PPP1R7: variants seen among roughly 807,000 people sequenced by gnomAD.
The protein encoded by PPP1R7 is protein phosphatase 1 regulatory subunit 7.
Under a neutral mutation model 45.2 loss-of-function variants are expected in PPP1R7, and 18 were observed. That is an observed-to-expected ratio of 0.40 (90% confidence interval 0.28 to 0.59). The LOEUF is 0.59. Among genes scored for constraint, PPP1R7 ranks in the 20% least tolerant of loss-of-function variants. The probability of loss-of-function intolerance (pLI) is 0.46; values close to 1 mark genes in which losing one functional copy is unlikely to be tolerated. For synonymous variants in PPP1R7, 181 were observed against 183.4 expected (o/e 0.99, Z 0.11); for missense variants, 314 against 455.8 (o/e 0.69, Z 2.83).
At position 241,183,241 on chromosome 2, in the gene PPP1R7, A is replaced by T; in HGVS notation, c.*418A>T. On this transcript the variant is annotated 3_prime_UTR_variant, in exon 10 of 10. Transcript: ENST00000234038. ...CTAGCTGGCCCTAGTCCTGGTGTGCAGGGTTCAGGCAGTCTTGACCTGCAA... is the reference window on the plus strand; with the variant it reads ...CTAGCTGGCCCTAGTCCTGGTGTGCTGGGTTCAGGCAGTCTTGACCTGCAA... The T allele has an allele frequency of 2.6e-6, 1 of 387,498 alleles. No individual in the cohort carries two copies. Among genetic ancestry groups the T allele is most frequent in the Non-Finnish European group, 5.2e-6 (1 of 191,262 alleles). The allele number at this position is 387,498 out of a possible 1,614,324, so 24.0% of individuals were successfully genotyped here. A position where few individuals can be genotyped will look rare whatever the true frequency, so the allele number is the denominator to read the frequency against.
chr2:241,150,070 G>A, upstream of PPP1R7: 4 of 1,295,284 alleles, frequency 3.1e-6, no homozygotes, highest in Non-Finnish European at 3.9e-6. Flanking sequence ...CGTAGGACTG[G>A]CCCGCACCTT....
chr2:241,182,907 T>G lies in PPP1R7; in HGVS notation c.*84T>G. On this transcript the variant is annotated 3_prime_UTR_variant, in exon 10 of 10. Transcript: ENST00000234038. ...TTTAACCCACCTGTTGCTCCTGAGGTCGTCACTATATCAACAGTCACAAAC... is the reference window on the plus strand; with the variant it reads ...TTTAACCCACCTGTTGCTCCTGAGGGCGTCACTATATCAACAGTCACAAAC... 2 of 1,467,546 alleles carry G rather than the reference T, an allele frequency of 1.4e-6. No individual in the cohort carries two copies. Among genetic ancestry groups the G allele is most frequent in the African/African-American group, 1.4e-5 (1 of 71,540 alleles). The allele number at this position is 1,467,546 out of a possible 1,614,324, so 90.9% of individuals were successfully genotyped here.
chr2:241,163,494 C>A, intron 7 of PPP1R7, 93 bp downstream of exon 7: 1 of 853,206 alleles, frequency 1.2e-6, no homozygotes, highest in Non-Finnish European at 1.9e-6. Context: ...ACTGCCTTCA[C>A]AATTGGCACT....
At chr2:241,164,123 C>T (rs1249861707) in intron 7 of PPP1R7, among the ~76,000 whole-genome samples, 1 of 152,046 alleles carries the variant, frequency 6.6e-6, no homozygotes, top group Non-Finnish European at 1.5e-5. Flanking sequence ...CCCTATGTTG[C>T]CCAGGGTGGT....
chr2:241,150,592 G>C, intron 1 of PPP1R7, 45 bp downstream of exon 1: 7 of 1,559,238 alleles, frequency 4.5e-6, no homozygotes, highest in Non-Finnish European at 6.1e-6. Context: ...CAGCGGGCGG[G>C]GGGAGCTGCG....
intron 8 of PPP1R7, chr2:241,167,029 G>A (rs781475567): frequency 4.7e-5 from 74 of 1,581,388 alleles, no homozygotes; most frequent in Middle Eastern, 3.3e-4. Context: ...CTCCCTCCCC[G>A]GCCCTTCTCA....
At chr2:241,151,590 G>C (rs982321260) in intron 1 of PPP1R7, 29 of 471,052 alleles carry the variant, frequency 6.2e-5, no homozygotes, top group Admixed American at 2.8e-4. Flanking sequence ...ATGTGGTGGG[G>C]ATGGGGGCGG....
chr2:241,172,514 A>G (rs549959244), intron 9 of PPP1R7, among the ~76,000 whole-genome samples: 8 of 152,190 alleles, frequency 5.3e-5, no homozygotes, highest in African/African-American at 1.4e-4. Context: ...GCATGGTGGC[A>G]CATGCTGTAG....
intron 2 of PPP1R7, 60 bp downstream of exon 2, chr2:241,153,664 C>G (rs182224298): frequency 6.3e-7 from 1 of 1,588,058 alleles, no homozygotes; most frequent in South Asian, 1.1e-5. Context: ...CTGTGCTGCA[C>G]GTGGTCTGGC....
At chr2:241,160,086 A>G (rs1357762485) in intron 5 of PPP1R7, among the ~76,000 whole-genome samples, 1 of 152,192 alleles carries the variant, frequency 6.6e-6, no homozygotes, top group African/African-American at 2.4e-5. Flanking sequence ...ACTGGGAGCC[A>G]GGGCATCAGG....
At chr2:241,165,890 C>T (rs942161688) in intron 7 of PPP1R7, among the ~76,000 whole-genome samples, 1 of 150,926 alleles carries the variant, frequency 6.6e-6, no homozygotes, top group Non-Finnish European at 1.5e-5. Flanking sequence ...AGCCACCGTG[C>T]CCAGCCCTTT....
rs1466414234 is a variant in PPP1R7 at position 241,182,561 on chromosome 2, AAGG to A, written c.907-79_907-77del. The stretch of plus-strand genomic sequence containing the variant: ...ACCTGCTCGCCATCTTCTGAGTGGG[AAGG>A]AGGAGGGTGGCTAGTGGACCCCACC... On this transcript the variant is annotated intron_variant, in intron 9 of 9. Transcript: ENST00000234038. The A allele has an allele frequency of 1.1e-5, 16 of 1,513,368 alleles. No homozygotes were observed. In the East Asian group the frequency reaches 3.2e-4, roughly 30 times the overall value. The allele number at this position is 1,513,368 out of a possible 1,614,324, so 93.7% of individuals were successfully genotyped here.
intron 2 of PPP1R7, chr2:241,155,045 A>G (rs970118031): frequency 6.6e-6 from 1 of 152,224 alleles, no homozygotes; most frequent in Admixed American, 6.5e-5. Flanking sequence ...TCTGGAAGTG[A>G]TGTGGGTGGA....
chr2:241,171,120 G>A (rs1335163603), intron 9 of PPP1R7, among the ~76,000 whole-genome samples: 2 of 152,222 alleles, frequency 1.3e-5, no homozygotes, highest in African/African-American at 4.8e-5. Context: ...CTGAAGCAAT[G>A]TTCCTGAAGC....
chr2:241,168,073 TTTC>T (rs898744292), intron 8 of PPP1R7, among the ~76,000 whole-genome samples: 1 of 151,838 alleles, frequency 6.6e-6, no homozygotes, highest in African/African-American at 2.4e-5. Context: ...ACAGGTGTAG[TTTC>T]TGTGGCGTTG....
At chr2:241,177,331 C>T (rs1285587180) in intron 9 of PPP1R7, among the ~76,000 whole-genome samples, 6 of 151,336 alleles carry the variant, frequency 4.0e-5, no homozygotes, top group South Asian at 4.2e-4. Context: ...GCAGGAGAAT[C>T]GCTTGAACCT....
chr2:241,157,123 G>C (rs530436507), intron 2 of PPP1R7, among the ~76,000 whole-genome samples: 1 of 152,198 alleles, frequency 6.6e-6, no homozygotes, highest in Non-Finnish European at 1.5e-5. Flanking sequence ...TGCCGGCTCC[G>C]GGGTAGAGAG....
chr2:241,162,636 G>C (rs1002364061), intron 6 of PPP1R7, among the ~76,000 whole-genome samples: 1 of 152,026 alleles, frequency 6.6e-6, no homozygotes, highest in Non-Finnish European at 1.5e-5. Flanking sequence ...CTTGAGGTCA[G>C]AGTGCCCCGT....
chr2:241,150,067 C>T (rs189782014), upstream of PPP1R7: 6 of 1,295,612 alleles, frequency 4.6e-6, no homozygotes, highest in African/African-American at 7.7e-5. Flanking sequence ...GCACGTAGGA[C>T]TGGCCCGCAC....
Sources: allele counts gnomAD v4.1 joint callset (sites outside exome capture counted in the v4.1 genomes callset), GRCh38; gene constraint gnomAD v4.1.1; transcripts MANE v1.5; gene names NCBI Gene and HGNC (gene_info 2026-07-23, HGNC 2026-07-21).